Variants in HEMK2 observed in about 807,000 individuals in gnomAD.
HEMK2 encodes the protein HemK methyltransferase 2, ETF1 glutamine and histone H4 lysine.
At chr21:28,681,065 G>C in the HEMK2 span, among the ~76,000 whole-genome samples, 1 of 152,142 alleles carries the variant, frequency 6.6e-6, no homozygotes, top group East Asian at 1.9e-4. Flanking sequence ...AATTAGGCAG[G>C]AGAAGGAAAT....
chr21:28,718,623 A>G, the HEMK2 span, among the ~76,000 whole-genome samples: 2 of 152,172 alleles, frequency 1.3e-5, no homozygotes, highest in South Asian at 4.1e-4. Flanking sequence ...ACTTTAAAAA[A>G]AAAAATAAAC....
At chr21:28,707,568 T>C in the HEMK2 span, among the ~76,000 whole-genome samples, 1 of 152,146 alleles carries the variant, frequency 6.6e-6, no homozygotes, top group Non-Finnish European at 1.5e-5. Context: ...AATATTTTTA[T>C]CTCTTTAACA....
chr21:28,791,408 T>C, the HEMK2 span, among the ~76,000 whole-genome samples: 1 of 152,012 alleles, frequency 6.6e-6, no homozygotes, highest in Non-Finnish European at 1.5e-5. Context: ...CTTTCACCTT[T>C]TTCTACACTG....
At chr21:28,771,518 A>ACCCCCCAC in the HEMK2 span, among the ~76,000 whole-genome samples, 2 of 105,594 alleles carry the variant, frequency 1.9e-5, no homozygotes, top group Non-Finnish European at 4.0e-5. Context: ...AAGATGCACC[A>ACCCCCCAC]CCCCCCCCCG....
chr21:28,771,518 A>ACCC, the HEMK2 span, among the ~76,000 whole-genome samples: 5,048 of 104,772 alleles, frequency 0.048, 310 homozygotes, highest in African/African-American at 0.13. Flanking sequence ...AAGATGCACC[A>ACCC]CCCCCCCCCG....
chr21:28,841,265 ATATATTATATAT>A, the HEMK2 span, among the ~76,000 whole-genome samples: 1 of 7,946 alleles, frequency 1.3e-4, no homozygotes, highest in Non-Finnish European at 1.6e-4. Flanking sequence ...TATATATAAT[ATATATTATATAT>A]TATATATAAT....
At chr21:28,837,034 A>C in the HEMK2 span, among the ~76,000 whole-genome samples, 1 of 152,226 alleles carries the variant, frequency 6.6e-6, no homozygotes, top group Admixed American at 6.5e-5. Flanking sequence ...TGGAGCTCTG[A>C]AATTTATAAA....
the HEMK2 span, among the ~76,000 whole-genome samples, chr21:28,678,728 G>T: frequency 1.3e-5 from 2 of 152,160 alleles, no homozygotes; most frequent in Non-Finnish European, 2.9e-5. Flanking sequence ...GAAGAGAGTG[G>T]GGGCCAATGT....
At chr21:28,602,070 C>A in the HEMK2 span, among the ~76,000 whole-genome samples, 16,729 of 152,140 alleles carry the variant, frequency 0.11, 1,023 homozygotes, top group African/African-American at 0.13. Flanking sequence ...GGAAGAATTT[C>A]GGCTTCCTAA....
chr21:28,653,896 G>T, the HEMK2 span, among the ~76,000 whole-genome samples: 1 of 152,106 alleles, frequency 6.6e-6, no homozygotes, highest in Non-Finnish European at 1.5e-5. Context: ...ATTAGCAAAA[G>T]AAAAAACTGT....
At chr21:28,798,982 T>C in the HEMK2 span, among the ~76,000 whole-genome samples, 2 of 152,186 alleles carry the variant, frequency 1.3e-5, no homozygotes, top group Non-Finnish European at 1.5e-5. Flanking sequence ...GGAATCCTAA[T>C]TTGAGTGCTG....
the HEMK2 span, among the ~76,000 whole-genome samples, chr21:28,697,344 T>C: frequency 1.5e-4 from 23 of 152,190 alleles, 1 homozygote; most frequent in Non-Finnish European, 2.6e-4. Context: ...ATGCTGCCAG[T>C]CTCTTTGCAT....
At chr21:28,880,285 T>C in the HEMK2 span, among the ~76,000 whole-genome samples, 1 of 152,170 alleles carries the variant, frequency 6.6e-6, no homozygotes, top group African/African-American at 2.4e-5. Flanking sequence ...GGATATAAGT[T>C]TACAACTATA....
the HEMK2 span, among the ~76,000 whole-genome samples, chr21:28,623,068 T>C: frequency 6.6e-6 from 1 of 152,106 alleles, no homozygotes; most frequent in Non-Finnish European, 1.5e-5. Flanking sequence ...TGAGAGAACA[T>C]TTGTGCAATC....
chr21:28,816,245 T>A, the HEMK2 span, among the ~76,000 whole-genome samples: 1 of 148,016 alleles, frequency 6.8e-6, no homozygotes, highest in Non-Finnish European at 1.5e-5. Context: ...AGTGATATTC[T>A]CAGAAAGAAG....
chr21:28,689,670 C>T, the HEMK2 span, among the ~76,000 whole-genome samples: 2 of 152,146 alleles, frequency 1.3e-5, no homozygotes, highest in Non-Finnish European at 1.5e-5. Flanking sequence ...CTAAGTACTG[C>T]TGTGAAGAGA....
the HEMK2 span, among the ~76,000 whole-genome samples, chr21:28,661,170 T>C: frequency 6.6e-6 from 1 of 152,268 alleles, no homozygotes; most frequent in Non-Finnish European, 1.5e-5. Flanking sequence ...TTACTGGCTT[T>C]GTATTTTCTT....
At chr21:28,808,219 A>G in the HEMK2 span, among the ~76,000 whole-genome samples, 1 of 152,202 alleles carries the variant, frequency 6.6e-6, no homozygotes, top group South Asian at 2.1e-4. Context: ...GTACTGTTCC[A>G]GTGATGTTTG....
chr21:28,772,886 G>A, the HEMK2 span, among the ~76,000 whole-genome samples: 1 of 152,096 alleles, frequency 6.6e-6, no homozygotes, highest in Non-Finnish European at 1.5e-5. Context: ...AGTACCTTCA[G>A]TGGGAAAGAC....
Sources: gnomAD v4.1 joint callset for allele counts (sites outside exome capture counted in the v4.1 genomes callset) on GRCh38, gnomAD v4.1.1 for gene constraint, MANE v1.5 for transcripts, NCBI Gene and HGNC (gene_info 2026-07-23, HGNC 2026-07-21) for gene names.